SNX8: variants seen among roughly 807,000 people sequenced by gnomAD.
The protein encoded by SNX8 is sorting nexin 8, also known as sorting nexin-8.
Under a neutral mutation model 51.6 loss-of-function variants are expected in SNX8, and 25 were observed. The ratio of observed to expected loss-of-function variants is 0.48; its 90% CI spans 0.35 to 0.68. SNX8 has a LOEUF of 0.68. SNX8 is among the 30% of genes least tolerant of loss of function. The pLI is 0.00. For synonymous variants in SNX8, 324 were observed against 277.0 expected (o/e 1.17, Z -1.68); for missense variants, 695 against 624.0 (o/e 1.11, Z -1.21).
chr7:2,259,568 C>A (rs1795287350), intron 7 of SNX8, among the ~76,000 whole-genome samples: 2 of 152,192 alleles, frequency 1.3e-5, no homozygotes, highest in Non-Finnish European at 2.9e-5. Context: ...CCCTAAGATA[C>A]CCCTTCCACC....
intron 1 of SNX8, among the ~76,000 whole-genome samples, chr7:2,322,754 C>T (rs184031163): frequency 3.3e-5 from 5 of 151,940 alleles, no homozygotes; most frequent in South Asian, 2.1e-4. Flanking sequence ...CTATGGGTCA[C>T]GCCTGTAATC....
upstream of SNX8, among the ~76,000 whole-genome samples, chr7:2,315,252 G>A (rs1310197893): frequency 9.7e-5 from 4 of 41,228 alleles, no homozygotes; most frequent in Admixed American, 1.0e-3. Flanking sequence ...ACCCACTCAC[G>A]CACTGCATCC....
intron 1 of SNX8, among the ~76,000 whole-genome samples, chr7:2,285,455 G>A (rs995706879): frequency 6.6e-6 from 1 of 152,138 alleles, no homozygotes; most frequent in Non-Finnish European, 1.5e-5. Flanking sequence ...TCAGGAAATG[G>A]AAGCAGAAGT....
At chr7:2,310,560 G>A (rs1796639967) in intron 1 of SNX8, among the ~76,000 whole-genome samples, 1 of 152,150 alleles carries the variant, frequency 6.6e-6, no homozygotes, top group Admixed American at 6.6e-5. Context: ...GAGGTCAGGA[G>A]ATCAAGACCA....
intron 2 of SNX8, among the ~76,000 whole-genome samples, chr7:2,277,168 T>C (rs997719488): frequency 6.6e-6 from 1 of 152,090 alleles, no homozygotes; most frequent in Non-Finnish European, 1.5e-5. Context: ...ATGCCCAGGA[T>C]GAACAATGAA....
At position 2,263,296 on chromosome 7, in the gene SNX8, G is replaced by C. The variant is rs1400002655; in HGVS notation, c.849C>G (p.Ser283=). 1.9e-6 allele frequency: 3 copies of C among 1,613,874 alleles called. 1 individual carries two copies. In the South Asian group the frequency reaches 3.3e-5, roughly 18 times the overall value. Residue 283 remains serine, a synonymous_variant, in exon 7 of 11, where the codon TCC becomes TCG. Coordinates refer to ENST00000222990, the MANE Select transcript of SNX8 (RefSeq NM_013321.4). The stretch of plus-strand genomic sequence containing the variant: ...ACAGGCCTTTCAGAGCCTGCTTCAG[G>C]GACCCCCACGTGCTGCTATTCAGAG... ...WAALNSSTWG[S]LKQALKGLSV...
chr7:2,262,006 T>A (rs1483464583), intron 7 of SNX8, among the ~76,000 whole-genome samples: 1 of 152,182 alleles, frequency 6.6e-6, no homozygotes, highest in Non-Finnish European at 1.5e-5. Context: ...AAATAGGAAC[T>A]AGGCAGCAAG....
intron 1 of SNX8, 119 bp downstream of exon 1, chr7:2,314,209 C>G: frequency 9.3e-7 from 1 of 1,071,994 alleles, no homozygotes; most frequent in Non-Finnish European, 1.2e-6. Flanking sequence ...GGGCCGAACG[C>G]GGGGCGCGGG....
chr7:2,269,102 G>T (rs2115116074), intron 5 of SNX8, among the ~76,000 whole-genome samples: 1 of 141,304 alleles, frequency 7.1e-6, no homozygotes, highest in Middle Eastern at 3.6e-3. Context: ...GGAAAGGTGG[G>T]GAAAAGATTG....
At chr7:2,307,836 C>G (rs564342180) in intron 1 of SNX8, 4 of 152,384 alleles carry the variant, frequency 2.6e-5, no homozygotes, top group Middle Eastern at 3.4e-3. Context: ...TCTCTTCCCA[C>G]TACCCCAGCA....
intron 1 of SNX8, among the ~76,000 whole-genome samples, chr7:2,332,022 T>C (rs1778745988): frequency 6.6e-6 from 1 of 151,818 alleles, no homozygotes; most frequent in Non-Finnish European, 1.5e-5. Flanking sequence ...GTAGGCAACA[T>C]AGCAAGACCC....
intron 1 of SNX8, among the ~76,000 whole-genome samples, chr7:2,289,659 T>C (rs1171073139): frequency 6.6e-6 from 1 of 152,206 alleles, no homozygotes; most frequent in African/African-American, 2.4e-5. Context: ...ATTCACTAGA[T>C]TGCCAAGGCA....
At chr7:2,282,926 C>A (rs959953306) in intron 1 of SNX8, among the ~76,000 whole-genome samples, 11 of 152,094 alleles carry the variant, frequency 7.2e-5, no homozygotes, top group African/African-American at 2.7e-4. Context: ...TCGAGACCAT[C>A]CTGGCTAACA....
At chr7:2,306,399 C>T (rs1453827249) in intron 1 of SNX8, among the ~76,000 whole-genome samples, 3 of 151,896 alleles carry the variant, frequency 2.0e-5, no homozygotes, top group Non-Finnish European at 2.9e-5. Flanking sequence ...CGTGAGCCAC[C>T]GTGCCCAGCC....
At chr7:2,296,878 T>C (rs1334548669) in intron 1 of SNX8, among the ~76,000 whole-genome samples, 2 of 151,758 alleles carry the variant, frequency 1.3e-5, no homozygotes, top group African/African-American at 2.4e-5. Flanking sequence ...TGCAGTGAGC[T>C]GAGATCACGC....
At chr7:2,346,955 G>C (rs987415322) in intron 1 of SNX8, among the ~76,000 whole-genome samples, 2 of 151,004 alleles carry the variant, frequency 1.3e-5, no homozygotes, top group African/African-American at 4.9e-5. Flanking sequence ...AAAAGGAATA[G>C]GGAAATAGGG....
At chr7:2,302,476 C>T (rs1244216116) in intron 1 of SNX8, among the ~76,000 whole-genome samples, 1 of 152,234 alleles carries the variant, frequency 6.6e-6, no homozygotes, top group Non-Finnish European at 1.5e-5. Flanking sequence ...CAGCCGCCTG[C>T]CTTGGCCTCC....
intron 1 of SNX8, among the ~76,000 whole-genome samples, chr7:2,296,510 C>A (rs976756136): frequency 6.6e-6 from 1 of 151,960 alleles, no homozygotes; most frequent in Non-Finnish European, 1.5e-5. Context: ...GGTATAATAT[C>A]ATATCATCAG....
At chr7:2,325,207 C>T (rs552007432) in intron 1 of SNX8, among the ~76,000 whole-genome samples, 8 of 152,210 alleles carry the variant, frequency 5.3e-5, no homozygotes, top group African/African-American at 1.9e-4. Context: ...GTGGTGCAAT[C>T]AGAGCTCACT....
Sources: gnomAD v4.1 joint callset for allele counts (sites outside exome capture counted in the v4.1 genomes callset) on GRCh38, gnomAD v4.1.1 for gene constraint, MANE v1.5 for transcripts, NCBI Gene and HGNC (gene_info 2026-07-23, HGNC 2026-07-21) for gene names.